MYO1C: variants seen among roughly 807,000 people sequenced by gnomAD.
The protein encoded by MYO1C is myosin IC, also known as unconventional myosin-Ic.
In MYO1C, 104 loss-of-function variants were observed where a neutral mutation model predicts 150.8. The observed-to-expected ratio is 0.69, with a 90% CI of 0.59 to 0.81. MYO1C has a LOEUF of 0.81. Among genes scored for constraint, MYO1C ranks in the 30% least tolerant of loss-of-function variants. The probability of loss-of-function intolerance (pLI) is 0.00; values close to 1 mark genes in which losing one functional copy is unlikely to be tolerated. For synonymous variants in MYO1C, 663 were observed against 579.9 expected (o/e 1.14, Z -2.06); for missense variants, 1,504 against 1,435.0 (o/e 1.05, Z -0.78).
intron 1 of MYO1C, chr17:1,491,457 C>A (rs957085983): frequency 1.0e-4 from 25 of 250,518 alleles, no homozygotes; most frequent in Non-Finnish European, 1.5e-4. Context: ...ACCCCCCCCC[C>A]CCGCACGGGT....
intron 5 of MYO1C, among the ~76,000 whole-genome samples, chr17:1,481,714 T>C (rs890055655): frequency 4.6e-5 from 7 of 151,738 alleles, no homozygotes; most frequent in African/African-American, 1.7e-4. Context: ...TTGGCCAGGC[T>C]GGTCTTGAAC....
intron 17 of MYO1C, among the ~76,000 whole-genome samples, 199 bp downstream of exon 17, chr17:1,474,411 G>C (rs992532905): frequency 7.2e-6 from 1 of 138,494 alleles, no homozygotes; most frequent in African/African-American, 2.8e-5. Flanking sequence ...CTGGGCAACA[G>C]AGCGAGACCC....
Position 1,468,133 on chromosome 17 carries a change from G to A in MYO1C, c.2761-10C>T, listed in dbSNP as rs1485431049. On this transcript the variant is annotated splice_polypyrimidine_tract_variant and intron_variant, in intron 27 of 31. Transcript: ENST00000648651. ...CAACAGGCACCGCATACTGGGGACA[G>A]AGGCCAGGCTGAAGGGGCTGGGGAG... is the stretch of plus-strand genomic sequence containing the variant. The A allele has an allele frequency of 2.5e-6, 4 of 1,613,192 alleles. No individual in the cohort carries two copies. The Admixed American group carries it at 5.0e-5, about 20-fold the overall frequency.
intron 1 of MYO1C, among the ~76,000 whole-genome samples, 195 bp downstream of exon 1, chr17:1,492,218 A>C (rs965132483): frequency 2.6e-5 from 4 of 152,192 alleles, no homozygotes; most frequent in Non-Finnish European, 5.9e-5. Flanking sequence ...CTCCACTTCC[A>C]AAAATCCTGC....
At chr17:1,490,193 G>A (rs912722886) in intron 1 of MYO1C, among the ~76,000 whole-genome samples, 3 of 151,450 alleles carry the variant, frequency 2.0e-5, no homozygotes, top group Non-Finnish European at 4.4e-5. Context: ...AAGTAGTCAC[G>A]ACCTGCTAAA....
chr17:1,484,745 T>A (rs943686154), intron 1 of MYO1C: 3 of 363,920 alleles, frequency 8.2e-6, no homozygotes, highest in Non-Finnish European at 1.6e-5. Context: ...GGTTCCTTCC[T>A]CCTAAAGGAG....
chr17:1,485,601 C>T, intron 1 of MYO1C: 2 of 983,994 alleles, frequency 2.0e-6, no homozygotes, highest in Non-Finnish European at 2.6e-6. Context: ...AATTCCTGGG[C>T]CGCGCCCGCT....
At position 1,470,479 on chromosome 17, in the gene MYO1C, C is replaced by T. The variant is rs572910979; in HGVS notation, c.2322G>A (p.Arg774=). The T allele has an allele frequency of 3.7e-5, 58 of 1,551,212 alleles. 1 individual carries two copies. In the South Asian group the frequency reaches 6.1e-4, roughly 16 times the overall value. The change falls in exon 23 of 32, where the codon CGG becomes CGA. Residue 774 remains arginine, a synonymous_variant. Coordinates refer to ENST00000648651, the MANE Select transcript of MYO1C (RefSeq NM_001080779.2). ...CCCACTTCCTCTTGGCTGCCTTCCTCCGGCCCAGTGTTCCACGCCACCACG... is the reference window on the plus strand; with the variant it reads ...CCCACTTCCTCTTGGCTGCCTTCCTTCGGCCCAGTGTTCCACGCCACCACG... ...IQSWWRGTLG[R]RKAAKRKWAA... is the part of the protein sequence containing the mutation.
intron 1 of MYO1C, among the ~76,000 whole-genome samples, chr17:1,490,756 G>C (rs898329579): frequency 6.6e-6 from 1 of 151,650 alleles, no homozygotes; most frequent in Non-Finnish European, 1.5e-5. Context: ...CCCCCCTGCT[G>C]TCCCCAGTTT....
chr17:1,486,523 G>GTTTT (rs34636701), intron 1 of MYO1C, among the ~76,000 whole-genome samples: 6 of 145,230 alleles, frequency 4.1e-5, no homozygotes, highest in African/African-American at 1.0e-4. Flanking sequence ...TTTTTTTTCT[G>GTTTT]TTTTTTTTTT....
intron 14 of MYO1C, among the ~76,000 whole-genome samples, chr17:1,476,755 T>C (rs1257947725): frequency 6.6e-6 from 1 of 152,120 alleles, no homozygotes; most frequent in East Asian, 1.9e-4. Flanking sequence ...TAAAAATCAA[T>C]TTCCAAACAA....
chr17:1,466,640 T>C (rs78643192), intron 31 of MYO1C, among the ~76,000 whole-genome samples: 1 of 149,630 alleles, frequency 6.7e-6, no homozygotes, highest in South Asian at 2.1e-4. Flanking sequence ...TTTTTTTTTT[T>C]TTGAGATGAC....
At chr17:1,491,602 G>A (rs2074735693) in intron 1 of MYO1C, 1 of 981,716 alleles carries the variant, frequency 1.0e-6, no homozygotes, top group South Asian at 4.7e-5. Flanking sequence ...GTACCCACCG[G>A]CGTGGCTCTT....
At chr17:1,468,594 G>A (rs1437607997) in intron 25 of MYO1C, 98 bp from the exon 26 acceptor site, 6 of 954,530 alleles carry the variant, frequency 6.3e-6, no homozygotes, top group South Asian at 1.3e-5. Context: ...TCCCTCACCC[G>A]CTTGCTGGTC....
chr17:1,465,971 C>T (rs1358313044), intron 31 of MYO1C, among the ~76,000 whole-genome samples: 5 of 151,372 alleles, frequency 3.3e-5, no homozygotes, highest in Admixed American at 1.3e-4. Flanking sequence ...CCAGCCCCAG[C>T]GCTCAGATTC....
At position 1,482,551 on chromosome 17, in the gene MYO1C, C is replaced by A; in HGVS notation, c.554G>T (p.Gly185Val). ...ATCGTTCCGGAGGGTCTTGGCATTTCCAAAGGCCTAGGAGTGGACAGGGGT... is the reference window on the plus strand; with the variant it reads ...ATCGTTCCGGAGGGTCTTGGCATTTACAAAGGCCTAGGAGTGGACAGGGGT... ...LQSNPVLEAF[G>V]NAKTLRNDNS... is the part of the protein sequence containing the mutation. Residue 185 changes from glycine to valine, a missense_variant, in exon 5 of 32, where the codon GGA becomes GTA. By Grantham distance (109) the Gly-to-Val change is moderately radical. Transcript: ENST00000648651. 2 of 1,614,014 alleles carry A rather than the reference C, an allele frequency of 1.2e-6. No homozygotes were observed. Among genetic ancestry groups the A allele is most frequent in the Non-Finnish European group, 1.7e-6 (2 of 1,179,964 alleles).
At chr17:1,466,541 T>C (rs2074175011) in intron 31 of MYO1C, among the ~76,000 whole-genome samples, 1 of 151,882 alleles carries the variant, frequency 6.6e-6, no homozygotes, top group Admixed American at 6.6e-5. Context: ...TTGGTCAGGC[T>C]GGTTTCGAAC....
At chr17:1,476,276 T>G (rs1318548215) in intron 14 of MYO1C, among the ~76,000 whole-genome samples, 1 of 151,878 alleles carries the variant, frequency 6.6e-6, no homozygotes, top group Non-Finnish European at 1.5e-5. Flanking sequence ...CCCCCCAGGT[T>G]CAAGCAATTC....
chr17:1,468,865 C>G (rs2074236973), intron 25 of MYO1C: 3 of 372,446 alleles, frequency 8.1e-6, no homozygotes, highest in African/African-American at 6.2e-5. Flanking sequence ...TCATCCAATA[C>G]TGAGTTGGCA....
Sources: allele counts gnomAD v4.1 joint callset (sites outside exome capture counted in the v4.1 genomes callset), GRCh38; gene constraint gnomAD v4.1.1; transcripts MANE v1.5; gene names NCBI Gene and HGNC (gene_info 2026-07-23, HGNC 2026-07-21).